Variants in SFMBT2 observed in about 807,000 individuals in gnomAD.
The protein encoded by SFMBT2 is scm-like with four MBT domains protein 2.
SFMBT2 carries 38 observed loss-of-function variants against 110.1 expected under a neutral mutation model. The observed-to-expected ratio is 0.35, with a 90% CI of 0.27 to 0.45. The LOEUF (loss-of-function observed/expected upper bound fraction) is 0.45, where lower values mean the gene tolerates loss of function less well. Among genes scored for constraint, SFMBT2 ranks in the 20% least tolerant of loss-of-function variants. The pLI is 1.00. For missense variants in SFMBT2, 1,011 were observed against 1,094.9 expected, an observed-to-expected ratio of 0.92 and a Z score of 1.08; for synonymous variants, 425 against 425.4, an observed-to-expected ratio of 1.00 and a Z score of 0.01.
In SFMBT2 at chr10:7,266,103, T is replaced by C. The variant is rs76603276; in HGVS notation, c.870+10789A>G. 1.1e-4 allele frequency among the ~76,000 whole-genome samples: 17 copies of C among 151,904 alleles called. 1 individual carries two copies. The South Asian group carries it at 1.9e-3, about 17-fold the overall frequency. On this transcript the variant is annotated intron_variant, in intron 7 of 20. Coordinates refer to ENST00000397167, the MANE Select transcript of SFMBT2 (RefSeq NM_001387889.1). ...TGCGGTTTTCTTTCCTTTTTTTTTTTCTTTGAGACAGAGTCTTGCTCTGTC... is the reference window on the plus strand; with the variant it reads ...TGCGGTTTTCTTTCCTTTTTTTTTTCCTTTGAGACAGAGTCTTGCTCTGTC...
At chr10:7,198,252 T>C in intron 14 of SFMBT2, 1 of 575,226 alleles carries the variant, frequency 1.7e-6, no homozygotes, top group South Asian at 7.7e-5. Flanking sequence ...TTCATTTTTT[T>C]ACTTCTTTGA....
chr10:7,204,919 T>C (rs1425295425), intron 12 of SFMBT2: 1 of 984,846 alleles, frequency 1.0e-6, no homozygotes, highest in Non-Finnish European at 1.2e-6. Flanking sequence ...AATGTGCATG[T>C]GCGTGTGTGC....
intron 16 of SFMBT2, among the ~76,000 whole-genome samples, chr10:7,181,329 A>G (rs1279433346): frequency 7.2e-5 from 11 of 152,168 alleles, no homozygotes; most frequent in African/African-American, 2.7e-4. Flanking sequence ...GAGTGTCAAC[A>G]TAATATAAGT....
intron 1 of SFMBT2, among the ~76,000 whole-genome samples, chr10:7,390,457 A>G (rs1418585465): frequency 6.6e-6 from 1 of 152,206 alleles, no homozygotes; most frequent in Non-Finnish European, 1.5e-5. Context: ...TTTTTATTAA[A>G]TCAGCTGCAT....
chr10:7,242,160 T>C (rs1318292468), intron 9 of SFMBT2, among the ~76,000 whole-genome samples: 2 of 152,104 alleles, frequency 1.3e-5, no homozygotes, highest in African/African-American at 4.8e-5. Flanking sequence ...AATAGGTCGT[T>C]GATAATATGA....
chr10:7,214,848 A>G, intron 11 of SFMBT2: 2 of 761,020 alleles, frequency 2.6e-6, no homozygotes, highest in Non-Finnish European at 3.2e-6. Flanking sequence ...GTTTTAATTT[A>G]TAACAGGGCT....
intron 4 of SFMBT2, among the ~76,000 whole-genome samples, chr10:7,354,471 G>C (rs1844432932): frequency 6.6e-6 from 1 of 152,180 alleles, no homozygotes; most frequent in Non-Finnish European, 1.5e-5. Flanking sequence ...AACCAACGTA[G>C]GAGAGGAAAG....
intron 4 of SFMBT2, among the ~76,000 whole-genome samples, chr10:7,312,459 C>G (rs927205567): frequency 1.3e-5 from 2 of 152,168 alleles, no homozygotes; most frequent in African/African-American, 4.8e-5. Flanking sequence ...AACAGGAATG[C>G]TGAGGCCAGA....
intron 4 of SFMBT2, among the ~76,000 whole-genome samples, chr10:7,354,743 G>A (rs556558221): frequency 1.3e-5 from 2 of 151,384 alleles, no homozygotes; most frequent in African/African-American, 4.9e-5. Flanking sequence ...CAAGCAAACA[G>A]GCTTTTAAGT....
intron 4 of SFMBT2, among the ~76,000 whole-genome samples, chr10:7,336,964 A>G (rs896803670): frequency 6.6e-6 from 1 of 152,194 alleles, no homozygotes; most frequent in African/African-American, 2.4e-5. Context: ...ATTAGACCCA[A>G]CTATTTACAG....
intron 4 of SFMBT2, among the ~76,000 whole-genome samples, chr10:7,310,883 T>C (rs1842833640): frequency 6.6e-6 from 1 of 151,790 alleles, no homozygotes; most frequent in South Asian, 2.1e-4. Flanking sequence ...CCATCTCTAC[T>C]AAAAATACAA....
At chr10:7,262,222 G>A (rs71481711) in intron 7 of SFMBT2, among the ~76,000 whole-genome samples, 28,752 of 151,902 alleles carry the variant, frequency 0.19, 3,378 homozygotes, top group South Asian at 0.38. Context: ...AAAAGGATTG[G>A]TGGTTTTTTA....
chr10:7,342,508 A>C (rs1360573572), intron 4 of SFMBT2, among the ~76,000 whole-genome samples: 1 of 141,900 alleles, frequency 7.0e-6, no homozygotes, highest in Admixed American at 7.9e-5. Flanking sequence ...TCCCGGGTTC[A>C]TGCCATTCTC....
intron 8 of SFMBT2, among the ~76,000 whole-genome samples, chr10:7,248,326 A>C (rs1467981982): frequency 6.6e-6 from 1 of 152,254 alleles, no homozygotes; most frequent in African/African-American, 2.4e-5. Context: ...AATTCACCCT[A>C]TCCATGATAA....
chr10:7,352,367 G>C (rs895827371), intron 4 of SFMBT2, among the ~76,000 whole-genome samples: 3 of 152,180 alleles, frequency 2.0e-5, no homozygotes, highest in African/African-American at 7.2e-5. Flanking sequence ...CTGTCACCCA[G>C]GTGGGAGTAC....
intron 4 of SFMBT2, among the ~76,000 whole-genome samples, chr10:7,346,773 C>A (rs1218838954): frequency 1.4e-5 from 2 of 145,822 alleles, no homozygotes; most frequent in African/African-American, 5.2e-5. Flanking sequence ...AGTTCGAGAC[C>A]AGCCTGGCCA....
rs1837566970 is a variant in SFMBT2 at position 7,162,176 on chromosome 10, C to A, written c.*1594G>T. The A allele has an allele frequency of 6.6e-6, 1 of 152,022 alleles. No individual in the cohort carries two copies. Among genetic ancestry groups the A allele is most frequent in the Non-Finnish European group, 1.5e-5 (1 of 68,066 alleles). 9.4% of individuals were successfully genotyped at this position (152,022 alleles called of 1,614,324 possible). A position where few individuals can be genotyped will look rare whatever the true frequency, so the allele number is the denominator to read the frequency against. On this transcript the variant is annotated 3_prime_UTR_variant, in exon 21 of 21. Coordinates refer to ENST00000397167, the MANE Select transcript of SFMBT2 (RefSeq NM_001387889.1). Reference sequence around the variant, plus strand: ...TCTGCACGTGACCTGGCGGATTTAACACAACTGCCCAGGAAATTCCACAAG... The same window carrying A: ...TCTGCACGTGACCTGGCGGATTTAAAACAACTGCCCAGGAAATTCCACAAG...
At chr10:7,341,784 T>A (rs967446997) in intron 4 of SFMBT2, among the ~76,000 whole-genome samples, 5 of 152,220 alleles carry the variant, frequency 3.3e-5, no homozygotes, top group Non-Finnish European at 7.3e-5. Context: ...TAATATTGAT[T>A]AAACAAGGAT....
chr10:7,194,482 G>C (rs188191701), intron 15 of SFMBT2, among the ~76,000 whole-genome samples: 1 of 152,100 alleles, frequency 6.6e-6, no homozygotes, highest in African/African-American at 2.4e-5. Flanking sequence ...AACAGATCAG[G>C]GTGAACCGCT....
Sources: gnomAD v4.1 joint callset for allele counts (sites outside exome capture counted in the v4.1 genomes callset) on GRCh38, gnomAD v4.1.1 for gene constraint, MANE v1.5 for transcripts, NCBI Gene and HGNC (gene_info 2026-07-23, HGNC 2026-07-21) for gene names.